The following MACROD2 variants were observed in gnomAD, a reference collection of about 807,000 sequenced individuals.
MACROD2 encodes the protein ADP-ribose glycohydrolase MACROD2.
MACROD2 carries 36 observed loss-of-function variants against 70.4 expected under a neutral mutation model. The ratio of observed to expected loss-of-function variants is 0.51; its 90% CI spans 0.39 to 0.68. The LOEUF is 0.68. Among genes scored for constraint, MACROD2 ranks in the 30% least tolerant of loss-of-function variants. The probability of loss-of-function intolerance (pLI) is 0.00; values close to 1 mark genes in which losing one functional copy is unlikely to be tolerated. For missense variants in MACROD2, 496 were observed against 538.4 expected (o/e 0.92, Z 0.78); for synonymous variants, 172 against 178.8 (o/e 0.96, Z 0.30).
At chr20:15,941,953 G>T (rs2065756496) in intron 12 of MACROD2, among the ~76,000 whole-genome samples, 3 of 152,086 alleles carry the variant, frequency 2.0e-5, no homozygotes, top group African/African-American at 7.2e-5. Context: ...GCATCTTCTA[G>T]GGTGAAAGTA....
At chr20:15,037,711 C>A (rs2075324570) in intron 5 of MACROD2, among the ~76,000 whole-genome samples, 2 of 151,612 alleles carry the variant, frequency 1.3e-5, no homozygotes, top group Admixed American at 6.6e-5. Context: ...GACTTGATGA[C>A]AATCCAGGTT....
At chr20:15,241,667 A>G (rs1161786015) in intron 6 of MACROD2, among the ~76,000 whole-genome samples, 1 of 152,008 alleles carries the variant, frequency 6.6e-6, no homozygotes, top group Non-Finnish European at 1.5e-5. Flanking sequence ...ACATACCACT[A>G]CATAAAGTCT....
intron 15 of MACROD2, among the ~76,000 whole-genome samples, chr20:16,035,095 AT>A (rs1409715166): frequency 6.2e-3 from 67 of 10,826 alleles, no homozygotes; most frequent in African/African-American, 8.7e-3. Context: ...AATATAAAAT[AT>A]TATATATTAT....
At chr20:14,317,769 T>C (rs1601467859) in intron 3 of MACROD2, among the ~76,000 whole-genome samples, 1 of 152,282 alleles carries the variant, frequency 6.6e-6, no homozygotes, top group Non-Finnish European at 1.5e-5. Flanking sequence ...AACAAATCTC[T>C]ATGACCTTTC....
chr20:14,355,983 A>T (rs963383387), intron 3 of MACROD2, among the ~76,000 whole-genome samples: 1 of 152,190 alleles, frequency 6.6e-6, no homozygotes, highest in African/African-American at 2.4e-5. Context: ...GGGGCAGCAG[A>T]TACTAACTCA....
chr20:14,315,685 A>G (rs1294486881), intron 3 of MACROD2, among the ~76,000 whole-genome samples: 1 of 152,252 alleles, frequency 6.6e-6, no homozygotes, highest in Non-Finnish European at 1.5e-5. Context: ...TAGATTAGCT[A>G]CATGATTTTC....
intron 3 of MACROD2, among the ~76,000 whole-genome samples, chr20:14,450,049 T>A (rs2084227496): frequency 6.6e-6 from 1 of 152,088 alleles, no homozygotes; most frequent in South Asian, 2.1e-4. Flanking sequence ...TTGGACTTTA[T>A]TCTAGGTATA....
intron 8 of MACROD2, among the ~76,000 whole-genome samples, chr20:15,661,346 A>G (rs1181991075): frequency 6.6e-6 from 1 of 152,178 alleles, no homozygotes; most frequent in Non-Finnish European, 1.5e-5. Flanking sequence ...CCTCTGATGA[A>G]GGCTTTTGTG....
intron 9 of MACROD2, among the ~76,000 whole-genome samples, chr20:15,865,766 C>A (rs2064484050): frequency 2.6e-5 from 4 of 152,182 alleles, no homozygotes. Flanking sequence ...AGGAGACCAA[C>A]AGGAAGCCTG....
intron 5 of MACROD2, among the ~76,000 whole-genome samples, chr20:14,919,545 G>C (rs575213397): frequency 6.6e-6 from 1 of 152,282 alleles, no homozygotes; most frequent in Non-Finnish European, 1.5e-5. Context: ...AAGCAACCAG[G>C]AACAGGGCCG....
At chr20:14,716,811 G>A (rs1189242092) in intron 5 of MACROD2, among the ~76,000 whole-genome samples, 1 of 151,992 alleles carries the variant, frequency 6.6e-6, no homozygotes, top group Admixed American at 6.6e-5. Flanking sequence ...GCTGATGAAC[G>A]AGACTAGCTT....
chr20:14,288,420 C>A (rs1029020801), intron 3 of MACROD2, among the ~76,000 whole-genome samples: 1 of 152,106 alleles, frequency 6.6e-6, no homozygotes, highest in Non-Finnish European at 1.5e-5. Flanking sequence ...GAAAAATAAA[C>A]TTTTATTTTG....
At chr20:14,252,479 A>T (rs1172910883) in intron 3 of MACROD2, among the ~76,000 whole-genome samples, 1 of 151,836 alleles carries the variant, frequency 6.6e-6, no homozygotes, top group Non-Finnish European at 1.5e-5. Flanking sequence ...TATTTATTCT[A>T]TGTATCCCTA....
At chr20:14,568,537 A>G (rs1979960085) in intron 4 of MACROD2, among the ~76,000 whole-genome samples, 1 of 152,014 alleles carries the variant, frequency 6.6e-6, no homozygotes, top group Non-Finnish European at 1.5e-5. Flanking sequence ...ATTTGTTGTA[A>G]TTGCTCAACT....
chr20:15,982,322 C>A (rs578145532), intron 13 of MACROD2, among the ~76,000 whole-genome samples: 2 of 152,114 alleles, frequency 1.3e-5, no homozygotes, highest in African/African-American at 4.8e-5. Context: ...CTGTAGCAAT[C>A]TTTTGTCTCA....
At chr20:14,776,846 G>T (rs1263558725) in intron 5 of MACROD2, among the ~76,000 whole-genome samples, 1 of 151,964 alleles carries the variant, frequency 6.6e-6, no homozygotes. Flanking sequence ...CCGCAATGAA[G>T]TGTACCTTGG....
At chr20:14,900,719 T>A (rs1312668261) in intron 5 of MACROD2, among the ~76,000 whole-genome samples, 2 of 151,910 alleles carry the variant, frequency 1.3e-5, no homozygotes, top group Non-Finnish European at 2.9e-5. Context: ...CAGCTAAAGG[T>A]TTGTCAATTT....
At chr20:14,544,769 T>A (rs2085472940) in intron 4 of MACROD2, among the ~76,000 whole-genome samples, 1 of 151,870 alleles carries the variant, frequency 6.6e-6, no homozygotes, top group Non-Finnish European at 1.5e-5. Flanking sequence ...ATTCTGAGAG[T>A]CAAGTGTACA....
chr20:15,553,053 G>A (rs1305059051), intron 8 of MACROD2, among the ~76,000 whole-genome samples: 1 of 152,168 alleles, frequency 6.6e-6, no homozygotes, highest in African/African-American at 2.4e-5. Context: ...TATGTTGTTG[G>A]AAATTTACTC....
Sources: gnomAD v4.1 joint callset for allele counts (sites outside exome capture counted in the v4.1 genomes callset) on GRCh38, gnomAD v4.1.1 for gene constraint, MANE v1.5 for transcripts, NCBI Gene and HGNC (gene_info 2026-07-23, HGNC 2026-07-21) for gene names.